SIPA1L2: variants seen among roughly 807,000 people sequenced by gnomAD.
SIPA1L2 encodes signal-induced proliferation-associated 1-like protein 2.
Under a neutral mutation model 163.9 loss-of-function variants are expected in SIPA1L2, and 56 were observed. The ratio of observed to expected loss-of-function variants is 0.34; its 90% CI spans 0.28 to 0.43. The LOEUF is 0.43. SIPA1L2 is among the 20% of genes least tolerant of loss of function. The pLI is 1.00. For missense variants in SIPA1L2, 1,974 were observed against 2,193.5 expected (o/e 0.90, Z 2.00); for synonymous variants, 877 against 865.7 (o/e 1.01, Z -0.23).
chr1:232,449,209 T>C (rs1477288633), intron 10 of SIPA1L2, among the ~76,000 whole-genome samples: 1 of 151,930 alleles, frequency 6.6e-6, no homozygotes, highest in African/African-American at 2.4e-5. Context: ...ATTCTCTCAG[T>C]TATGAGAGAT....
At chr1:232,443,253 G>A (rs1395223012) in intron 12 of SIPA1L2, among the ~76,000 whole-genome samples, 1 of 152,198 alleles carries the variant, frequency 6.6e-6, no homozygotes, top group East Asian at 1.9e-4. Context: ...TCTCAGACAG[G>A]AAGCAAAAAA....
At chr1:232,460,666 G>C (rs967654894) in intron 10 of SIPA1L2, among the ~76,000 whole-genome samples, 1 of 152,184 alleles carries the variant, frequency 6.6e-6, no homozygotes, top group Non-Finnish European at 1.5e-5. Flanking sequence ...AAAATGCTTA[G>C]CAAATTATTT....
intron 2 of SIPA1L2, among the ~76,000 whole-genome samples, chr1:232,518,650 T>A (rs1667318554): frequency 6.6e-6 from 1 of 152,102 alleles, no homozygotes. Context: ...CCATTCATGA[T>A]CATCTCTCTC....
intron 1 of SIPA1L2, among the ~76,000 whole-genome samples, chr1:232,612,140 T>A (rs1291745658): frequency 6.6e-6 from 1 of 152,208 alleles, no homozygotes; most frequent in Non-Finnish European, 1.5e-5. Flanking sequence ...AGTCAAGAAC[T>A]GAGGTTTGGG....
rs1008285495 is a variant in SIPA1L2 at position 232,589,115 on chromosome 1, C to T, written c.-318-14893G>A. 1.1e-4 allele frequency among the ~76,000 whole-genome samples: 16 copies of T among 152,250 alleles called. No homozygotes were observed. In the South Asian group the frequency reaches 2.7e-3, roughly 26 times the overall value. On this transcript the variant is annotated intron_variant, in intron 1 of 22. Transcript: ENST00000674635. Reference sequence around the variant, plus strand: ...GTTCCCTCAAGGAAACACAGGGGCACGTTTATGGAAAAGAATTTGAGACAT... The same window carrying T: ...GTTCCCTCAAGGAAACACAGGGGCATGTTTATGGAAAAGAATTTGAGACAT...
At chr1:232,406,993 G>A (rs1347696877) in intron 19 of SIPA1L2, among the ~76,000 whole-genome samples, 1 of 152,164 alleles carries the variant, frequency 6.6e-6, no homozygotes, top group Non-Finnish European at 1.5e-5. Flanking sequence ...GACTTAACTG[G>A]CCACTAGGAA....
At chr1:232,564,183 TGTGTG>T (rs1659243244) in intron 2 of SIPA1L2, among the ~76,000 whole-genome samples, 4 of 95,070 alleles carry the variant, frequency 4.2e-5, no homozygotes, top group Admixed American at 3.3e-4. Flanking sequence ...TGTGTGTGTG[TGTGTG>T]TTTCATCATG....
chr1:232,533,792 C>T (rs1396259784), intron 2 of SIPA1L2, among the ~76,000 whole-genome samples: 3 of 152,136 alleles, frequency 2.0e-5, no homozygotes, highest in Non-Finnish European at 2.9e-5. Flanking sequence ...AGACACTTAT[C>T]TAAAGCTGAA....
intron 19 of SIPA1L2, among the ~76,000 whole-genome samples, chr1:232,406,332 T>G (rs1432319210): frequency 6.6e-6 from 1 of 152,254 alleles, no homozygotes; most frequent in Non-Finnish European, 1.5e-5. Flanking sequence ...CCCTTCGGTT[T>G]TCTTTCCTGT....
Position 232,465,508 on chromosome 1 carries a change from A to T in SIPA1L2, c.2244-92T>A. The T allele has an allele frequency of 1.0e-6, 1 of 962,014 alleles. No homozygotes were observed. Among genetic ancestry groups the T allele is most frequent in the Non-Finnish European group, 1.6e-6 (1 of 641,084 alleles). The allele number at this position is 962,014 out of a possible 1,614,324, so 59.6% of individuals were successfully genotyped here. A position where few individuals can be genotyped will look rare whatever the true frequency, so the allele number is the denominator to read the frequency against. ...TTGACATATATATACACACACACACACATATACATACACACACACACACAC... is the reference window on the plus strand; with the variant it reads ...TTGACATATATATACACACACACACTCATATACATACACACACACACACAC... On this transcript the variant is annotated intron_variant, in intron 8 of 22. Transcript: ENST00000674635. The surrounding 1 kb of genome is among the most constrained non-coding windows in gnomAD (Gnocchi z 4.1).
At position 232,490,857 on chromosome 1, in the gene SIPA1L2, T is replaced by C. The variant is rs1425355633; in HGVS notation, c.1806+17A>G. 8.2e-6 allele frequency: 13 copies of C among 1,588,938 alleles called. No homozygotes were observed. The highest frequency in any genetic ancestry group is 1.8e-5 in the Admixed American group (1 of 57,028). On this transcript the variant is annotated intron_variant, in intron 5 of 22. Transcript: ENST00000674635. The stretch of plus-strand genomic sequence containing the variant: ...CACAAATTCACACACAAACATACAA[T>C]CTCACATTATACACACCCCTTGTTC...
At position 232,479,500 on chromosome 1, in the gene SIPA1L2, A is replaced by G. The variant is rs1040874676; in HGVS notation, c.2085+127T>C. The G allele has an allele frequency of 4.1e-6, 3 of 726,772 alleles. No individual in the cohort carries two copies. The African/African-American group carries it at 5.3e-5, about 13-fold the overall frequency. 45.0% of individuals were successfully genotyped at this position (726,772 alleles called of 1,614,324 possible). On this transcript the variant is annotated intron_variant, in intron 7 of 22. Coordinates refer to ENST00000674635, the MANE Select transcript of SIPA1L2 (RefSeq NM_020808.5). ...CTTCCAAATGATCAAAGAGTCAAAG[A>G]TGATTAATGCTATTCAAGAAAAACC...
At chr1:232,440,173 G>A (rs1208324835) in intron 14 of SIPA1L2, among the ~76,000 whole-genome samples, 1 of 152,166 alleles carries the variant, frequency 6.6e-6, no homozygotes, top group African/African-American at 2.4e-5. Context: ...TGGTTGGGGT[G>A]GGGAGTCTCT....
chr1:232,441,544 A>G, intron 13 of SIPA1L2, 150 bp from the exon 14 acceptor site: 2 of 793,914 alleles, frequency 2.5e-6, no homozygotes, highest in Non-Finnish European at 2.1e-6. Flanking sequence ...ATGTCACAAA[A>G]GTATACAGAA....
At chr1:232,484,782 T>G (rs1043677542) in intron 5 of SIPA1L2, among the ~76,000 whole-genome samples, 1 of 152,172 alleles carries the variant, frequency 6.6e-6, no homozygotes, top group African/African-American at 2.4e-5. Context: ...TGCTTCTAAC[T>G]CATGCAATCA....
intron 3 of SIPA1L2, among the ~76,000 whole-genome samples, chr1:232,497,248 A>T (rs1309498244): frequency 2.0e-5 from 3 of 152,202 alleles, no homozygotes; most frequent in Non-Finnish European, 4.4e-5. Context: ...TGGCAATGGT[A>T]ACACCATATT....
intron 8 of SIPA1L2, among the ~76,000 whole-genome samples, chr1:232,469,444 T>A (rs181918202): frequency 0.013 from 1,991 of 152,318 alleles, 20 homozygotes; most frequent in Non-Finnish European, 0.022. Context: ...AAGGACAGCT[T>A]CATAAAATGT....
chr1:232,562,237 G>A (rs1178172460), intron 2 of SIPA1L2, among the ~76,000 whole-genome samples: 1 of 152,184 alleles, frequency 6.6e-6, no homozygotes, highest in Non-Finnish European at 1.5e-5. Flanking sequence ...TGCCAAGGAG[G>A]CACATGCGTC....
chr1:232,531,593 T>C (rs890132200), intron 2 of SIPA1L2, among the ~76,000 whole-genome samples: 24 of 152,246 alleles, frequency 1.6e-4, no homozygotes, highest in African/African-American at 5.8e-4. Flanking sequence ...GGTCCTGCTC[T>C]CACAGGACAA....
Sources: gnomAD v4.1 joint callset for allele counts (sites outside exome capture counted in the v4.1 genomes callset) on GRCh38, gnomAD v4.1.1 for gene constraint, Gnocchi (gnomAD v3.1) non-coding constraint, MANE v1.5 for transcripts, NCBI Gene and HGNC (gene_info 2026-07-23, HGNC 2026-07-21) for gene names.